The following AHCYL1 variants were observed in gnomAD, a reference collection of about 807,000 sequenced individuals.
AHCYL1 encodes S-adenosylhomocysteine hydrolase-like protein 1.
AHCYL1 carries 20 observed loss-of-function variants against 79.3 expected under a neutral mutation model. The ratio of observed to expected loss-of-function variants is 0.25; its 90% CI spans 0.18 to 0.37. The LOEUF (loss-of-function observed/expected upper bound fraction) is 0.37, where lower values mean the gene tolerates loss of function less well. AHCYL1 is among the 10% of genes least tolerant of loss of function. AHCYL1 has a pLI of 1.00. For missense variants in AHCYL1, 330 were observed against 673.6 expected (o/e 0.49, Z 5.65); for synonymous variants, 223 against 242.2 (o/e 0.92, Z 0.74).
chr1:110,009,858 A>G (rs1466272524), intron 2 of AHCYL1, among the ~76,000 whole-genome samples: 1 of 152,240 alleles, frequency 6.6e-6, no homozygotes, highest in African/African-American at 2.4e-5. Context: ...AGGGACATCT[A>G]ATGGGGCATC....
At chr1:110,002,005 C>CT (rs1462867870) in intron 1 of AHCYL1, among the ~76,000 whole-genome samples, 1 of 152,180 alleles carries the variant, frequency 6.6e-6, no homozygotes, top group Non-Finnish European at 1.5e-5. Context: ...TGCGTAATAA[C>CT]ATTAGTCTTG....
intron 1 of AHCYL1, among the ~76,000 whole-genome samples, chr1:109,992,739 C>T (rs532397244): frequency 1.3e-5 from 2 of 152,326 alleles, no homozygotes; most frequent in Admixed American, 6.5e-5. Context: ...ATGGTTCTTA[C>T]TCTTTGAGTC....
At chr1:109,995,778 G>C in intron 1 of AHCYL1, 1 of 806,612 alleles carries the variant, frequency 1.2e-6, no homozygotes, top group Non-Finnish European at 1.5e-6. Context: ...ATCAGAATGG[G>C]GGAGGAGCTG....
At chr1:109,993,108 G>A (rs531834630) in intron 1 of AHCYL1, among the ~76,000 whole-genome samples, 18 of 152,044 alleles carry the variant, frequency 1.2e-4, no homozygotes, top group Non-Finnish European at 2.1e-4. Context: ...CATTCGAACC[G>A]GCATTTCGGC....
intron 1 of AHCYL1, among the ~76,000 whole-genome samples, chr1:109,988,079 T>C (rs1649564906): frequency 6.6e-6 from 1 of 152,224 alleles, no homozygotes; most frequent in South Asian, 2.1e-4. Flanking sequence ...ATTGTTAACC[T>C]CGAGGGCTAA....
chr1:109,997,993 A>C (rs1462340569), intron 1 of AHCYL1, among the ~76,000 whole-genome samples: 2 of 152,180 alleles, frequency 1.3e-5, no homozygotes, highest in Admixed American at 6.5e-5. Context: ...AGGAGTGAGG[A>C]GGCTCTAGAT....
chr1:110,004,911 T>C (rs1231026104), intron 1 of AHCYL1, among the ~76,000 whole-genome samples: 1 of 152,176 alleles, frequency 6.6e-6, no homozygotes, highest in East Asian at 1.9e-4. Context: ...AGAAAAGATG[T>C]AGGAATCTTG....
At chr1:109,999,822 C>T (rs1309817348) in intron 1 of AHCYL1, among the ~76,000 whole-genome samples, 1 of 151,876 alleles carries the variant, frequency 6.6e-6, no homozygotes, top group African/African-American at 2.4e-5. Flanking sequence ...GGCACAGTCA[C>T]AGCTCACTGC....
rs780729514 is a variant in AHCYL1, at chr1:110,018,670, C to T, written c.1317+20C>T. The T allele has an allele frequency of 6.2e-7, 1 of 1,604,142 alleles. No individual in the cohort carries two copies. Among genetic ancestry groups the T allele is most frequent in the Non-Finnish European group, 8.5e-7 (1 of 1,173,966 alleles). ...GCAGAGGTACACACAGAGAAGGACC[C>T]TGGCAGAGCAGCACAAGCAGAGTAG... On this transcript the variant is annotated intron_variant, in intron 13 of 16. Coordinates refer to ENST00000369799, the MANE Select transcript of AHCYL1 (RefSeq NM_006621.7).
intron 1 of AHCYL1, among the ~76,000 whole-genome samples, chr1:109,989,660 C>A (rs1174549468): frequency 2.6e-5 from 4 of 152,092 alleles, no homozygotes; most frequent in African/African-American, 9.7e-5. Flanking sequence ...ACTTTAATGC[C>A]CTCTTGGGGT....
At chr1:110,010,918 T>A (rs1182035321) in intron 2 of AHCYL1, among the ~76,000 whole-genome samples, 1 of 152,224 alleles carries the variant, frequency 6.6e-6, no homozygotes, top group Non-Finnish European at 1.5e-5. Flanking sequence ...ACCAAGTACC[T>A]CTATTATCTG....
At chr1:110,001,322 G>A (rs944911446) in intron 1 of AHCYL1, among the ~76,000 whole-genome samples, 1 of 152,036 alleles carries the variant, frequency 6.6e-6, no homozygotes. Context: ...GAGTAGCTGG[G>A]ACTACAGGCA....
At chr1:110,002,244 A>C (rs192467960) in intron 1 of AHCYL1, among the ~76,000 whole-genome samples, 48 of 152,340 alleles carry the variant, frequency 3.2e-4, no homozygotes, top group Admixed American at 5.9e-4. Context: ...TAGCTTCTAA[A>C]TACTACTCCC....
chr1:110,014,196 A>C (rs1390312982), intron 5 of AHCYL1, among the ~76,000 whole-genome samples: 1 of 152,206 alleles, frequency 6.6e-6, no homozygotes, highest in Non-Finnish European at 1.5e-5. Flanking sequence ...ACTGCAAAAA[A>C]TTTAGGAAGT....
Position 110,014,751 on chromosome 1 carries a change from C to T in AHCYL1, c.581-12C>T. On this transcript the variant is annotated splice_polypyrimidine_tract_variant and intron_variant, in intron 5 of 16. Coordinates refer to ENST00000369799, the MANE Select transcript of AHCYL1 (RefSeq NM_006621.7). Reference sequence around the variant, plus strand: ...AAAGGAGGAATCAGCTGATTCATTTCTGTCTCTACAGGAGTTGCAGTGTTC... The same window carrying T: ...AAAGGAGGAATCAGCTGATTCATTTTTGTCTCTACAGGAGTTGCAGTGTTC... The T allele has an allele frequency of 6.2e-7, 1 of 1,608,682 alleles. No individual in the cohort carries two copies. Among genetic ancestry groups the T allele is most frequent in the Non-Finnish European group, 8.5e-7 (1 of 1,175,000 alleles).
chr1:110,009,165 A>G lies in AHCYL1; in HGVS notation c.232+20A>G, dbSNP rs1459864718. 1.9e-6 allele frequency: 3 copies of G among 1,585,072 alleles called. No individual in the cohort carries two copies. The highest frequency in any genetic ancestry group is 4.5e-5 in the East Asian group (2 of 44,692). Reference sequence around the variant, plus strand: ...GTTCAGGTAGGTGTGAATGAACTCCATGTCCTCTCTAATCTCTCTTCCCTG... The same window carrying G: ...GTTCAGGTAGGTGTGAATGAACTCCGTGTCCTCTCTAATCTCTCTTCCCTG... On this transcript the variant is annotated intron_variant, in intron 2 of 16. Transcript: ENST00000369799.
At chr1:110,020,914 T>G in intron 16 of AHCYL1, 63 bp downstream of exon 16, 2 of 1,554,588 alleles carry the variant, frequency 1.3e-6, no homozygotes, top group Non-Finnish European at 1.7e-6. Flanking sequence ...CAGGCTAGCC[T>G]GCTTCTGACA....
At chr1:110,011,115 T>C (rs1650993868) in intron 2 of AHCYL1, 99 bp from the exon 3 acceptor site, 2 of 1,393,702 alleles carry the variant, frequency 1.4e-6, no homozygotes, top group Non-Finnish European at 1.9e-6. Flanking sequence ...ATTAAGGGTG[T>C]TCCCTTAACT....
chr1:110,009,081 C>G lies in AHCYL1; in HGVS notation c.168C>G (p.Thr56=). Reference sequence around the variant, plus strand: ...TGCAGGAGTTCACCAAATTCCCCACCAAAACTGGCCGAAGATCTTTGTCTC... The same window carrying G: ...TGCAGGAGTTCACCAAATTCCCCACGAAAACTGGCCGAAGATCTTTGTCTC... ...DDMQEFTKFP[T]KTGRRSLSRS... The change falls in exon 2 of 17, where the codon ACC becomes ACG. Residue 56 remains threonine, a synonymous_variant. Transcript: ENST00000369799. The G allele has an allele frequency of 6.2e-7, 1 of 1,614,052 alleles. No individual in the cohort carries two copies. The highest frequency in any genetic ancestry group is 8.5e-7 in the Non-Finnish European group (1 of 1,179,926).
Sources: gnomAD v4.1 joint callset for allele counts (sites outside exome capture counted in the v4.1 genomes callset) on GRCh38, gnomAD v4.1.1 for gene constraint, MANE v1.5 for transcripts, NCBI Gene and HGNC (gene_info 2026-07-23, HGNC 2026-07-21) for gene names.